NDST1: variants seen among roughly 807,000 people sequenced by gnomAD.
The protein encoded by NDST1 is bifunctional heparan sulfate N-deacetylase/N-sulfotransferase 1.
Under a neutral mutation model 92.8 loss-of-function variants are expected in NDST1, and 35 were observed. That is an observed-to-expected ratio of 0.38 (90% CI 0.29 to 0.50). The LOEUF is 0.50. Among genes scored for constraint, NDST1 ranks in the 20% least tolerant of loss-of-function variants. The pLI, the probability that NDST1 is intolerant of heterozygous loss-of-function variation, is 0.94. For synonymous variants in NDST1, 493 were observed against 500.3 expected (o/e 0.99, Z 0.19); for missense variants, 822 against 1,182.7 (o/e 0.69, Z 4.47).
chr5:150,535,400 A>G (rs1246931931), intron 5 of NDST1: 1 of 985,108 alleles, frequency 1.0e-6, no homozygotes, highest in Non-Finnish European at 1.2e-6. Flanking sequence ...AAGGTAGGAA[A>G]GGCCCTCGTC....
intron 3 of NDST1, 100 bp downstream of exon 3, chr5:150,528,398 A>G: frequency 2.2e-6 from 3 of 1,338,982 alleles, no homozygotes; most frequent in Admixed American, 2.6e-5. Context: ...CATCTCCCCT[A>G]TGCTGGGAGT....
At chr5:150,523,334 G>A (rs576955773) in intron 2 of NDST1, among the ~76,000 whole-genome samples, 1 of 152,292 alleles carries the variant, frequency 6.6e-6, no homozygotes. Flanking sequence ...CATGAACTTC[G>A]TTAAGTTCTA....
chr5:150,532,250 C>T (rs984133732), intron 3 of NDST1, among the ~76,000 whole-genome samples: 47 of 152,184 alleles, frequency 3.1e-4, no homozygotes, highest in African/African-American at 1.0e-3. Flanking sequence ...GGCATACATG[C>T]GGTTATCTTA....
intron 1 of NDST1, among the ~76,000 whole-genome samples, chr5:150,499,769 C>T (rs543776224): frequency 2.0e-3 from 309 of 152,318 alleles, no homozygotes; most frequent in Middle Eastern, 3.4e-3. Flanking sequence ...CCTGAAAGGG[C>T]GGGCCCCACC....
At chr5:150,539,530 A>G (rs902908751) in intron 7 of NDST1, 174 bp downstream of exon 7, 47 of 1,488,348 alleles carry the variant, frequency 3.2e-5, no homozygotes, top group Non-Finnish European at 4.1e-5. Flanking sequence ...GACCTTGGCT[A>G]AAGAATCCGA....
chr5:150,531,549 G>A (rs1224907702), intron 3 of NDST1, among the ~76,000 whole-genome samples: 3 of 146,826 alleles, frequency 2.0e-5, no homozygotes, highest in African/African-American at 7.6e-5. Flanking sequence ...TGCCCAGGCT[G>A]GAGTGCAGTG....
At chr5:150,544,030 G>A (rs1489199877) in intron 10 of NDST1, among the ~76,000 whole-genome samples, 2 of 152,114 alleles carry the variant, frequency 1.3e-5, no homozygotes, top group Admixed American at 1.3e-4. Context: ...TGCCCGCCTC[G>A]GCCTCCCAAA....
chr5:150,514,350 A>G (rs1224373794), intron 1 of NDST1, among the ~76,000 whole-genome samples: 1 of 152,192 alleles, frequency 6.6e-6, no homozygotes, highest in African/African-American at 2.4e-5. Context: ...TGGGTGGATC[A>G]TCGGAGGTCA....
At chr5:150,542,723 C>A in intron 9 of NDST1, 125 bp from the exon 10 acceptor site, 2 of 1,250,226 alleles carry the variant, frequency 1.6e-6, no homozygotes, top group Non-Finnish European at 2.3e-6. Flanking sequence ...GAAGCTAAGA[C>A]CAGAGAAAGG....
chr5:150,535,531 C>T (rs1014379985), intron 5 of NDST1, 169 bp from the exon 6 acceptor site: 29 of 673,408 alleles, frequency 4.3e-5, no homozygotes, highest in Non-Finnish European at 2.0e-5. Context: ...AGATTCTGGG[C>T]ACATTCCTTG....
At chr5:150,520,304 C>A (rs1485392580) in intron 1 of NDST1, among the ~76,000 whole-genome samples, 1 of 146,648 alleles carries the variant, frequency 6.8e-6, no homozygotes, top group Non-Finnish European at 1.5e-5. Context: ...GCTAATGAAT[C>A]CTGGCTTGGC....
In NDST1 at chr5:150,554,241, C is replaced by T. The variant is rs1755823554; in HGVS notation, c.*909C>T. On this transcript the variant is annotated 3_prime_UTR_variant, in exon 15 of 15. Coordinates refer to ENST00000261797, the MANE Select transcript of NDST1 (RefSeq NM_001543.5). The stretch of plus-strand genomic sequence containing the variant: ...GAGGGCTCTCAGAGACCCCCTTAAC[C>T]TCCCAAATACTAAGAAGCTAAAATA... 2.5e-6 allele frequency: 1 copy of T among 397,264 alleles called. No individual in the cohort carries two copies. The highest frequency in any genetic ancestry group is 4.4e-6 in the Non-Finnish European group (1 of 225,400). The allele number at this position is 397,264 out of a possible 1,614,324, so 24.6% of individuals were successfully genotyped here.
intron 11 of NDST1, 83 bp downstream of exon 11, chr5:150,545,569 T>C: frequency 1.3e-6 from 2 of 1,538,750 alleles, no homozygotes; most frequent in Non-Finnish European, 8.9e-7. Context: ...TCAACAGATA[T>C]TATTAGTAAG....
chr5:150,539,349 T>C lies in NDST1; in HGVS notation c.1559T>C (p.Leu520Pro). The C allele has an allele frequency of 6.2e-7, 1 of 1,614,076 alleles. No individual in the cohort carries two copies. Among genetic ancestry groups the C allele is most frequent in the Non-Finnish European group, 8.5e-7 (1 of 1,180,008 alleles). ...NGGELFLTVL[L>P]NPISIFMTHL... ...GGCGAGCTCTTCCTCACCGTGCTCC[T>C]CAATCCTGTGAGTGCTCCACAGCCC... Residue 520 changes from leucine (L) to proline (P), a missense_variant, in exon 7 of 15, where the codon CTC (leucine) becomes CCC (proline). Leu to Pro is a moderately conservative substitution (Grantham distance 98). Coordinates refer to ENST00000261797, the MANE Select transcript of NDST1 (RefSeq NM_001543.5).
At chr5:150,541,758 G>T in intron 9 of NDST1, 92 bp downstream of exon 9, 2 of 1,178,220 alleles carry the variant, frequency 1.7e-6, no homozygotes, top group Non-Finnish European at 2.5e-6. Flanking sequence ...CCCCACTCCC[G>T]GATAATTTGC....
chr5:150,510,858 AAC>A (rs1384134709), intron 1 of NDST1, among the ~76,000 whole-genome samples: 1 of 152,246 alleles, frequency 6.6e-6, no homozygotes, highest in African/African-American at 2.4e-5. Flanking sequence ...GTGATACTAA[AAC>A]ACATATAAAA....
intron 14 of NDST1, 22 bp downstream of exon 14, chr5:150,551,877 T>G: frequency 6.2e-7 from 1 of 1,611,176 alleles, no homozygotes; most frequent in Non-Finnish European, 8.5e-7. Flanking sequence ...ACACACTACC[T>G]GTAGCACCTG....
Position 150,537,985 on chromosome 5 carries a change from A to C in NDST1, c.1438-1243A>C, listed in dbSNP as rs910802747. ...TAAAATATACAGTGGTCAGATGGTG[A>C]TGAGTGCCACGGACAAAGTTAAGCA... On this transcript the variant is annotated intron_variant, in intron 6 of 14. Transcript: ENST00000261797. 2.6e-5 allele frequency among the ~76,000 whole-genome samples: 4 copies of C among 152,242 alleles called. No homozygotes were observed. The South Asian group carries it at 8.3e-4, about 31-fold the overall frequency.
intron 12 of NDST1, among the ~76,000 whole-genome samples, 178 bp from the exon 13 acceptor site, chr5:150,549,500 C>T (rs377278462): frequency 2.0e-5 from 3 of 152,154 alleles, no homozygotes; most frequent in African/African-American, 7.2e-5. Flanking sequence ...GGAAAGCAGG[C>T]GTGAGACCAC....
Sources: allele counts gnomAD v4.1 joint callset (sites outside exome capture counted in the v4.1 genomes callset), GRCh38; gene constraint gnomAD v4.1.1; transcripts MANE v1.5; gene names NCBI Gene and HGNC (gene_info 2026-07-23, HGNC 2026-07-21).